SLIT1: variants seen among roughly 807,000 people sequenced by gnomAD.
SLIT1 encodes slit homolog 1 protein.
A neutral mutation model predicts 186.1 loss-of-function variants in SLIT1; 66 were observed. That is an observed-to-expected ratio of 0.35 (90% CI 0.29 to 0.44). SLIT1 has a LOEUF of 0.44. SLIT1 is among the 20% of genes least tolerant of loss of function. The probability of loss-of-function intolerance (pLI) is 1.00; values close to 1 mark genes in which losing one functional copy is unlikely to be tolerated. For missense variants in SLIT1, 1,638 were observed against 2,037.4 expected (o/e 0.80, Z 3.77); for synonymous variants, 761 against 833.8 (o/e 0.91, Z 1.50).
At chr10:97,011,607 C>T (rs1434198277) in intron 30 of SLIT1, among the ~76,000 whole-genome samples, 1 of 152,168 alleles carries the variant, frequency 6.6e-6, no homozygotes, top group Non-Finnish European at 1.5e-5. Context: ...GCCCCCTGCT[C>T]AGTGGGTGCC....
intron 1 of SLIT1, among the ~76,000 whole-genome samples, chr10:97,174,425 T>C (rs1283190489): frequency 6.6e-6 from 1 of 152,096 alleles, no homozygotes; most frequent in Non-Finnish European, 1.5e-5. Context: ...CAGGCCTTAG[T>C]AGGTGAGGAG....
intron 4 of SLIT1, among the ~76,000 whole-genome samples, chr10:97,087,895 G>A (rs1369753764): frequency 6.6e-6 from 1 of 152,090 alleles, no homozygotes; most frequent in Non-Finnish European, 1.5e-5. Flanking sequence ...CTAAAGCCTT[G>A]CTACCCAAAG....
intron 4 of SLIT1, among the ~76,000 whole-genome samples, chr10:97,112,295 G>C (rs1008623028): frequency 1.3e-5 from 2 of 152,016 alleles, no homozygotes; most frequent in African/African-American, 4.8e-5. Context: ...CTCCCTGACA[G>C]AGCGCCCTGT....
At chr10:97,049,219 G>A (rs1020994523) in intron 13 of SLIT1, 101 bp from the exon 14 acceptor site, 1 of 1,390,706 alleles carries the variant, frequency 7.2e-7, no homozygotes, top group Non-Finnish European at 9.7e-7. Context: ...CAAGGAGGCT[G>A]CCTGTGGCCT....
chr10:97,176,784 C>T (rs1376978106), intron 1 of SLIT1, among the ~76,000 whole-genome samples: 1 of 152,176 alleles, frequency 6.6e-6, no homozygotes, highest in Non-Finnish European at 1.5e-5. Context: ...TGCAATGATT[C>T]CTCGGCCCAG....
intron 13 of SLIT1, 57 bp from the exon 14 acceptor site, chr10:97,049,175 C>G: frequency 1.3e-6 from 2 of 1,569,752 alleles, no homozygotes; most frequent in Non-Finnish European, 1.7e-6. Flanking sequence ...CCGCGCTGAC[C>G]TCCACCGGGA....
chr10:97,166,254 C>G (rs899211336), intron 1 of SLIT1, among the ~76,000 whole-genome samples: 1 of 152,028 alleles, frequency 6.6e-6, no homozygotes, highest in Non-Finnish European at 1.5e-5. Context: ...GTGGCTCACA[C>G]CTGTAATCCC....
chr10:97,176,075 G>T (rs1850252256), intron 1 of SLIT1, among the ~76,000 whole-genome samples: 1 of 152,178 alleles, frequency 6.6e-6, no homozygotes, highest in Admixed American at 6.5e-5. Context: ...TAGAGCAGAA[G>T]TCAAATTTAA....
chr10:97,050,208 G>A (rs1472327663), intron 13 of SLIT1, among the ~76,000 whole-genome samples: 1 of 152,194 alleles, frequency 6.6e-6, no homozygotes, highest in Non-Finnish European at 1.5e-5. Context: ...AAAGAGACTT[G>A]CCCTGCCATG....
chr10:97,161,294 T>C (rs1327569163), intron 3 of SLIT1, among the ~76,000 whole-genome samples: 4 of 152,162 alleles, frequency 2.6e-5, no homozygotes, highest in Non-Finnish European at 5.9e-5. Flanking sequence ...ATGTATTTTA[T>C]TCTAAGTCTT....
chr10:97,164,769 C>A, intron 2 of SLIT1, 50 bp downstream of exon 2: 1 of 1,377,894 alleles, frequency 7.3e-7, no homozygotes, highest in Non-Finnish European at 1.0e-6. Flanking sequence ...CTGCCCAGGA[C>A]TGCCGTGGCA....
At chr10:97,086,542 C>T (rs778616312) in intron 4 of SLIT1, among the ~76,000 whole-genome samples, 10 of 152,134 alleles carry the variant, frequency 6.6e-5, no homozygotes, top group Admixed American at 1.3e-4. Flanking sequence ...CGTGCCACTG[C>T]ACTCCAGCCT....
intron 4 of SLIT1, among the ~76,000 whole-genome samples, chr10:97,074,312 G>A (rs1047959264): frequency 2.6e-5 from 4 of 152,084 alleles, no homozygotes; most frequent in African/African-American, 4.8e-5. Context: ...CCGTTTTCCC[G>A]GCCAAAACAA....
intron 4 of SLIT1, among the ~76,000 whole-genome samples, chr10:97,123,515 A>G (rs1157844953): frequency 6.6e-6 from 1 of 152,142 alleles, no homozygotes; most frequent in Admixed American, 6.5e-5. Context: ...ATTTGGAGAC[A>G]GTGGCTCAAG....
rs187141315 is a variant in SLIT1, at chr10:97,105,792, A to G, written c.414-39706T>C. Among the ~76,000 whole-genome samples the G allele has an allele frequency of 1.8e-4, 27 of 152,284 alleles. No individual in the cohort carries two copies. The East Asian group carries it at 3.1e-3, about 17-fold the overall frequency. On this transcript the variant is annotated intron_variant, in intron 4 of 36. Transcript: ENST00000266058. ...CCCTCTGGAGGCCACAGGTAACAAC[A>G]TTTCAAGCCATTTCACCAGGTTAGC...
chr10:97,183,849 T>C (rs893967517), intron 1 of SLIT1, among the ~76,000 whole-genome samples: 1 of 152,024 alleles, frequency 6.6e-6, no homozygotes, highest in African/African-American at 2.4e-5. Context: ...GGGACAGGCA[T>C]GGAGGGTGAC....
At chr10:97,081,029 C>T (rs1056846006) in intron 4 of SLIT1, among the ~76,000 whole-genome samples, 1 of 152,240 alleles carries the variant, frequency 6.6e-6, no homozygotes, top group African/African-American at 2.4e-5. Context: ...GAAGAATGCA[C>T]AGTCTACGCA....
At chr10:97,156,546 C>A (rs138311799) in intron 4 of SLIT1, among the ~76,000 whole-genome samples, 1 of 152,152 alleles carries the variant, frequency 6.6e-6, no homozygotes, top group Non-Finnish European at 1.5e-5. Flanking sequence ...CCACTGTATT[C>A]GGCCTGGGTG....
At chr10:97,028,536 T>G (rs1018354669) in intron 25 of SLIT1, among the ~76,000 whole-genome samples, 1 of 152,244 alleles carries the variant, frequency 6.6e-6, no homozygotes, top group African/African-American at 2.4e-5. Flanking sequence ...TGTTCATGCC[T>G]TTGCACATGC....
Sources: gnomAD v4.1 joint callset for allele counts (sites outside exome capture counted in the v4.1 genomes callset) on GRCh38, gnomAD v4.1.1 for gene constraint, MANE v1.5 for transcripts, NCBI Gene and HGNC (gene_info 2026-07-23, HGNC 2026-07-21) for gene names.